Variants in FGFR2 observed in about 807,000 individuals in gnomAD.
FGFR2 encodes the protein BEK fibroblast growth factor receptor.
In FGFR2, 19 loss-of-function variants were observed where a neutral mutation model predicts 95.9. That is an observed-to-expected ratio of 0.20 (90% CI 0.14 to 0.29). The LOEUF (loss-of-function observed/expected upper bound fraction) is 0.29, where lower values mean the gene tolerates loss of function less well. Among genes scored for constraint, FGFR2 ranks in the 10% least tolerant of loss-of-function variants. FGFR2 has a pLI of 1.00. For missense variants in FGFR2, 707 were observed against 1,056.9 expected, an observed-to-expected ratio of 0.67 and a Z score of 4.59; for synonymous variants, 392 against 393.3, an observed-to-expected ratio of 1.00 and a Z score of 0.04.
intron 2 of FGFR2, among the ~76,000 whole-genome samples, chr10:121,579,352 C>A (rs541115133): frequency 6.6e-6 from 1 of 152,180 alleles, no homozygotes; most frequent in African/African-American, 2.4e-5. Flanking sequence ...GTTTACGGGG[C>A]GTAACTGGCC....
rs1365706771 is a variant in FGFR2 at position 121,479,697 on chromosome 10, G to A, written c.*160C>T. On this transcript the variant is annotated 3_prime_UTR_variant, in exon 18 of 18. Transcript: ENST00000358487. ...TGGGGAAGATTACAAGTTTTCAACT[G>A]TATAAATCTTTACACATATGCTGAT... 32 of 1,577,488 alleles carry A rather than the reference G, an allele frequency of 2.0e-5. No individual in the cohort carries two copies. The highest frequency in any genetic ancestry group is 2.7e-5 in the African/African-American group (2 of 74,170).
At chr10:121,545,925 C>T (rs748293632) in intron 5 of FGFR2, among the ~76,000 whole-genome samples, 14 of 152,170 alleles carry the variant, frequency 9.2e-5, no homozygotes, top group African/African-American at 1.9e-4. Flanking sequence ...ATACCCAACG[C>T]TGAGGGCTTC....
In FGFR2 at chr10:121,487,916, T is replaced by A. The variant is rs41293779; in HGVS notation, c.1986+75A>T. 746 of 1,595,618 alleles carry A rather than the reference T, an allele frequency of 4.7e-4. 1 individual carries two copies. The African/African-American group carries it at 8.6e-3, about 18-fold the overall frequency. On this transcript the variant is annotated intron_variant, in intron 14 of 17. Coordinates refer to ENST00000358487, the MANE Select transcript of FGFR2 (RefSeq NM_000141.5). ...CAGCCATCCCACCCAGCTCTCAACA[T>A]TGACGGCCTTTCTTCCTGGAACATT... is the stretch of plus-strand genomic sequence containing the variant.
chr10:121,571,294 C>CTTTTTTTT (rs35943673), intron 2 of FGFR2, among the ~76,000 whole-genome samples: 1 of 39,298 alleles, frequency 2.5e-5, no homozygotes, highest in Non-Finnish European at 4.4e-5. Context: ...CGTGCCTGGC[C>CTTTTTTTT]TTTTTTTTTT....
intron 2 of FGFR2, among the ~76,000 whole-genome samples, chr10:121,572,822 C>T (rs1042160914): frequency 6.6e-6 from 1 of 152,092 alleles, no homozygotes; most frequent in Non-Finnish European, 1.5e-5. Flanking sequence ...CCTCAGCAGA[C>T]CATTTGACAT....
chr10:121,515,047 A>G (rs776309813), intron 9 of FGFR2, 70 bp downstream of exon 9: 104 of 1,445,592 alleles, frequency 7.2e-5, no homozygotes, highest in Non-Finnish European at 9.1e-5. Context: ...ATCAAAGCAG[A>G]GGACAAGATC....
At chr10:121,553,869 G>T (rs1855737710) in intron 4 of FGFR2, among the ~76,000 whole-genome samples, 1 of 152,194 alleles carries the variant, frequency 6.6e-6, no homozygotes, top group Non-Finnish European at 1.5e-5. Flanking sequence ...CCCTCACTGG[G>T]CCAAGCCATG....
chr10:121,492,281 G>T (rs943792580), intron 13 of FGFR2, among the ~76,000 whole-genome samples: 8 of 152,200 alleles, frequency 5.3e-5, no homozygotes, highest in Non-Finnish European at 7.3e-5. Flanking sequence ...GCTAAAAATA[G>T]TAAGGATTTT....
intron 10 of FGFR2, among the ~76,000 whole-genome samples, chr10:121,503,588 C>T (rs891142920): frequency 6.6e-6 from 1 of 152,090 alleles, no homozygotes; most frequent in Non-Finnish European, 1.5e-5. Flanking sequence ...GCAAGTAGCT[C>T]TGCTTTCAAG....
intron 1 of FGFR2, 188 bp from the exon 2 acceptor site, chr10:121,594,155 T>A (rs1474449879): frequency 6.3e-6 from 3 of 479,954 alleles, no homozygotes; most frequent in Non-Finnish European, 1.1e-5. Flanking sequence ...CACAGAAATG[T>A]GTGAGGCTAA....
intron 13 of FGFR2, among the ~76,000 whole-genome samples, chr10:121,495,022 G>GA (rs1846594349): frequency 6.6e-6 from 1 of 152,036 alleles, no homozygotes; most frequent in South Asian, 2.1e-4. Flanking sequence ...CTTTTATCTG[G>GA]AACCGTCTCC....
intron 5 of FGFR2, among the ~76,000 whole-genome samples, chr10:121,549,812 A>G (rs763073863): frequency 8.5e-5 from 13 of 152,244 alleles, no homozygotes; most frequent in Admixed American, 3.9e-4. Flanking sequence ...AACCCTTCCA[A>G]TGAGACCTCA....
At chr10:121,494,511 G>A (rs1846524632) in intron 13 of FGFR2, among the ~76,000 whole-genome samples, 2 of 152,248 alleles carry the variant, frequency 1.3e-5, no homozygotes, top group South Asian at 4.1e-4. Context: ...CACAGGTAGG[G>A]CAGGGAGTGA....
At chr10:121,539,215 G>A (rs1321858860) in intron 5 of FGFR2, among the ~76,000 whole-genome samples, 2 of 152,194 alleles carry the variant, frequency 1.3e-5, no homozygotes, top group African/African-American at 4.8e-5. Context: ...CTCCTAAGGG[G>A]CTCATAGTTC....
chr10:121,589,510 T>C (rs1287012181), intron 2 of FGFR2, among the ~76,000 whole-genome samples: 2 of 152,210 alleles, frequency 1.3e-5, no homozygotes, highest in Non-Finnish European at 2.9e-5. Context: ...TATGGCTTGA[T>C]GCGGGGCCAT....
chr10:121,533,661 T>A (rs1422448869), intron 6 of FGFR2, among the ~76,000 whole-genome samples: 1 of 152,196 alleles, frequency 6.6e-6, no homozygotes, highest in African/African-American at 2.4e-5. Context: ...AGCAAAGAAC[T>A]GAAAGCAGGG....
intron 6 of FGFR2, among the ~76,000 whole-genome samples, chr10:121,529,005 G>T (rs1851748444): frequency 6.6e-6 from 1 of 151,910 alleles, no homozygotes; most frequent in African/African-American, 2.4e-5. Context: ...CAGCTCACTG[G>T]AACCTCTGCC....
At chr10:121,528,996 A>G (rs1851747315) in intron 6 of FGFR2, among the ~76,000 whole-genome samples, 1 of 152,214 alleles carries the variant, frequency 6.6e-6, no homozygotes, top group African/African-American at 2.4e-5. Flanking sequence ...GCACAATCTC[A>G]GCTCACTGGA....
intron 2 of FGFR2, among the ~76,000 whole-genome samples, chr10:121,575,582 C>T (rs1184896699): frequency 1.1e-4 from 16 of 152,262 alleles, no homozygotes; most frequent in Middle Eastern, 3.4e-3. Context: ...TGGCCGAGTG[C>T]GGTGGCTCAT....
Sources: allele counts gnomAD v4.1 joint callset (sites outside exome capture counted in the v4.1 genomes callset), GRCh38; gene constraint gnomAD v4.1.1; transcripts MANE v1.5; gene names NCBI Gene and HGNC (gene_info 2026-07-23, HGNC 2026-07-21).